PARP6: variants seen among roughly 807,000 people sequenced by gnomAD.
PARP6 encodes poly(ADP-ribose) polymerase family member 6, also known as protein mono-ADP-ribosyltransferase PARP6.
A neutral mutation model predicts 92.0 loss-of-function variants in PARP6; 27 were observed. The observed-to-expected ratio is 0.29, with a 90% confidence interval of 0.22 to 0.40. The LOEUF (loss-of-function observed/expected upper bound fraction) is 0.40. PARP6 is among the 10% of genes least tolerant of loss of function. The pLI, the probability that PARP6 is intolerant of heterozygous loss-of-function variation, is 1.00. For missense variants in PARP6, 501 were observed against 784.5 expected (o/e 0.64, Z 4.32); for synonymous variants, 272 against 281.2 (o/e 0.97, Z 0.33).
At position 72,253,860 on chromosome 15, in the gene PARP6, G is replaced by A. The variant is rs532310661; in HGVS notation, c.1192-356C>T. The stretch of plus-strand genomic sequence containing the variant: ...GGTAAATCTTTAAATAATGCAAAGC[G>A]TCCTCCTGACAAGTAAATCATTCCT... On this transcript the variant is annotated intron_variant, in intron 15 of 23. Coordinates refer to ENST00000569795, the MANE Select transcript of PARP6 (RefSeq NM_001323532.2). The A allele has an allele frequency of 5.0e-5, 23 of 464,330 alleles. 1 individual carries two copies. Among genetic ancestry groups the A allele is most frequent in the Middle Eastern group, 3.2e-4 (1 of 3,082 alleles). 28.8% of individuals were successfully genotyped at this position (464,330 alleles called of 1,614,324 possible). A position where few individuals can be genotyped will look rare whatever the true frequency, so the allele number is the denominator to read the frequency against.
intron 18 of PARP6, 190 bp from the exon 19 acceptor site, chr15:72,250,282 C>CT: frequency 1.8e-6 from 1 of 557,920 alleles, no homozygotes; most frequent in Non-Finnish European, 3.3e-6. Context: ...CTCTACGTCT[C>CT]TATTTCCAGT....
At chr15:72,262,946 G>A (rs904841875) in intron 8 of PARP6, among the ~76,000 whole-genome samples, 2 of 152,126 alleles carry the variant, frequency 1.3e-5, no homozygotes, top group African/African-American at 4.8e-5. Flanking sequence ...TTCACTGACT[G>A]TAACTTCTTC....
Position 72,257,395 on chromosome 15 carries a change from G to A in PARP6, c.952C>T (p.Leu318=), listed in dbSNP as rs1312830227. 1 of 1,614,112 alleles carries A rather than the reference G, an allele frequency of 6.2e-7. No individual in the cohort carries two copies. The highest frequency in any genetic ancestry group is 8.5e-7 in the Non-Finnish European group (1 of 1,180,006). The change falls in exon 13 of 24, where the codon CTG becomes TTG. Residue 318 remains leucine, a synonymous_variant. Transcript: ENST00000569795. The part of the protein sequence containing the change: ...RELCVFSFYT[L]GVMSGAAEEV... ...TCTGCAGCTCCAGACATGACGCCCAGTGTGTAGAAGGAGAAAACGCATAGT... is the reference window on the plus strand; with the variant it reads ...TCTGCAGCTCCAGACATGACGCCCAATGTGTAGAAGGAGAAAACGCATAGT...
intron 16 of PARP6, among the ~76,000 whole-genome samples, chr15:72,252,547 G>A (rs1409668179): frequency 6.6e-6 from 1 of 151,856 alleles, no homozygotes; most frequent in Non-Finnish European, 1.5e-5. Flanking sequence ...GTGTAATGGA[G>A]CAATCTCAGC....
At chr15:72,247,321 C>T (rs866179575) in intron 20 of PARP6, among the ~76,000 whole-genome samples, 2 of 152,006 alleles carry the variant, frequency 1.3e-5, no homozygotes, top group Admixed American at 6.5e-5. Context: ...CTTACAGGCA[C>T]GCACTGCCAG....
Position 72,265,847 on chromosome 15 carries a change from C to T in PARP6, c.176+50G>A, listed in dbSNP as rs578232854. 12 of 1,246,268 alleles carry T rather than the reference C, an allele frequency of 9.6e-6. No individual in the cohort carries two copies. In the East Asian group the frequency reaches 2.3e-4, roughly 24 times the overall value. The allele number at this position is 1,246,268 out of a possible 1,614,324, so 77.2% of individuals were successfully genotyped here. ...AGAAAAACCTCTAGCCTTTTAACAA[C>T]TCAGAAAGAAGTGACTTGCTCCCCT... is the stretch of plus-strand genomic sequence containing the variant. On this transcript the variant is annotated intron_variant, in intron 5 of 23. Transcript: ENST00000569795.
At chr15:72,249,464 G>A in intron 19 of PARP6, 150 bp from the exon 20 acceptor site, 1 of 519,720 alleles carries the variant, frequency 1.9e-6, no homozygotes. Context: ...AAGCCAACTG[G>A]CTGAAAAGTG....
Position 72,253,522 on chromosome 15 carries a change from T to C in PARP6, c.1192-18A>G. On this transcript the variant is annotated intron_variant, in intron 15 of 23. Transcript: ENST00000569795. ...TATGAGCCCTGTAAGACAATGGCCA[T>C]AACGTTATCTCCTTGGAGAGGTGGG... The C allele has an allele frequency of 6.2e-7, 1 of 1,605,384 alleles. No individual in the cohort carries two copies. The highest frequency in any genetic ancestry group is 1.7e-5 in the Admixed American group (1 of 59,962).
In PARP6 at chr15:72,267,629, G is replaced by C; in HGVS notation, c.-152C>G. On this transcript the variant is annotated 5_prime_UTR_variant, in exon 3 of 24. Coordinates refer to ENST00000569795, the MANE Select transcript of PARP6 (RefSeq NM_001323532.2). Reference sequence around the variant, plus strand: ...GTCAGGGACAACTGGTGATCTGTTGGGGATGGCAGGCTCTGCTGTTGCGGT... The same window carrying C: ...GTCAGGGACAACTGGTGATCTGTTGCGGATGGCAGGCTCTGCTGTTGCGGT... 1 of 758,154 alleles carries C rather than the reference G, an allele frequency of 1.3e-6. No homozygotes were observed. Among genetic ancestry groups the C allele is most frequent in the East Asian group, 2.6e-5 (1 of 39,142 alleles). 47.0% of individuals were successfully genotyped at this position (758,154 alleles called of 1,614,324 possible).
intron 3 of PARP6, 162 bp from the exon 4 acceptor site, chr15:72,266,984 G>C (rs2086687482): frequency 3.2e-6 from 2 of 620,452 alleles, no homozygotes; most frequent in Non-Finnish European, 5.8e-6. Context: ...CTTTGTGAGA[G>C]TCTCAGTCTC....
chr15:72,269,851 A>G (rs1303797223), intron 2 of PARP6, among the ~76,000 whole-genome samples: 1 of 151,178 alleles, frequency 6.6e-6, no homozygotes, highest in Non-Finnish European at 1.5e-5. Flanking sequence ...GTGAGCCAAG[A>G]CTGCGCCATT....
At chr15:72,269,571 A>C (rs548135653) in intron 2 of PARP6, among the ~76,000 whole-genome samples, 3 of 152,192 alleles carry the variant, frequency 2.0e-5, no homozygotes, top group Admixed American at 2.0e-4. Flanking sequence ...AGAAATGCAA[A>C]TTCTCAGACT....
chr15:72,255,958 G>A (rs7164000), intron 14 of PARP6, among the ~76,000 whole-genome samples: 349 of 150,908 alleles, frequency 2.3e-3, no homozygotes, highest in African/African-American at 8.0e-3. Flanking sequence ...CACCACACCT[G>A]GCTAATTTTT....
At chr15:72,243,562 A>G (rs1219624837) in intron 20 of PARP6, 3 of 152,180 alleles carry the variant, frequency 2.0e-5, no homozygotes, top group Admixed American at 6.5e-5. Flanking sequence ...TAAATCCATA[A>G]ACTCTCTACC....
rs778401797 is a variant in PARP6, at chr15:72,259,710, G to C, written c.757-49C>G. The stretch of plus-strand genomic sequence containing the variant: ...CCCGTGAACCTCCTATGAAGCTGGG[G>C]CCTAGACAGACCTGACTCTTGCCTA... On this transcript the variant is annotated intron_variant, in intron 10 of 23. Coordinates refer to ENST00000569795, the MANE Select transcript of PARP6 (RefSeq NM_001323532.2). The C allele has an allele frequency of 1.2e-5, 18 of 1,540,860 alleles. No individual in the cohort carries two copies. The African/African-American group carries it at 2.3e-4, about 20-fold the overall frequency.
In PARP6 at chr15:72,241,994, A is replaced by G. The variant is rs755596368; in HGVS notation, c.1706-9T>C. 7 of 1,603,780 alleles carry G rather than the reference A, an allele frequency of 4.4e-6. No homozygotes were observed. The highest frequency in any genetic ancestry group is 4.3e-6 in the Non-Finnish European group (5 of 1,170,566). On this transcript the variant is annotated splice_polypyrimidine_tract_variant and intron_variant, in intron 22 of 23. Transcript: ENST00000569795. This position sits in a 1 kb window ranked among gnomAD's most constrained non-coding sequence, Gnocchi z 4.1. ...GTCCTTAGATGTAATCACTGGGAGA[A>G]AGAGGGCCAGAAATCATAGATACAA...
rs1011351492 is a variant in PARP6 at position 72,242,718 on chromosome 15, C to G, written c.1562-19G>C. 2 of 1,555,954 alleles carry G rather than the reference C, an allele frequency of 1.3e-6. No individual in the cohort carries two copies. The highest frequency in any genetic ancestry group is 1.8e-5 in the Admixed American group (1 of 54,794). ...CCCATTCCTGTCACAGAACAATACACCCACTTCATTTATCAAAAATTTACG... is the reference window on the plus strand; with the variant it reads ...CCCATTCCTGTCACAGAACAATACAGCCACTTCATTTATCAAAAATTTACG... On this transcript the variant is annotated intron_variant, in intron 20 of 23. Transcript: ENST00000569795. This position sits in a 1 kb window ranked among gnomAD's most constrained non-coding sequence, Gnocchi z 4.3.
chr15:72,242,833 T>C lies in PARP6; in HGVS notation c.1562-134A>G, dbSNP rs992274309. 4 of 631,876 alleles carry C rather than the reference T, an allele frequency of 6.3e-6. No individual in the cohort carries two copies. The highest frequency in any genetic ancestry group is 6.0e-5 in the Admixed American group (2 of 33,338). The allele number at this position is 631,876 out of a possible 1,614,324, so 39.1% of individuals were successfully genotyped here. A position where few individuals can be genotyped will look rare whatever the true frequency, so the allele number is the denominator to read the frequency against. ...GAAGATTATTTTCCCCCACAGAATT[T>C]AGTCTGCTGGAAATTACAAGCAAGA... On this transcript the variant is annotated intron_variant, in intron 20 of 23. Coordinates refer to ENST00000569795, the MANE Select transcript of PARP6 (RefSeq NM_001323532.2). This position sits in a 1 kb window ranked among gnomAD's most constrained non-coding sequence, Gnocchi z 4.3.
At position 72,265,074 on chromosome 15, in the gene PARP6, C is replaced by T. The variant is rs777284423; in HGVS notation, c.328+7G>A. On this transcript the variant is annotated splice_region_variant and intron_variant, in intron 7 of 23. Coordinates refer to ENST00000569795, the MANE Select transcript of PARP6 (RefSeq NM_001323532.2). ...ACCACCCACTTGCCCAAAGTCACTGCCTTTACCTGGTCCATCTAGGTACTG... is the reference window on the plus strand; with the variant it reads ...ACCACCCACTTGCCCAAAGTCACTGTCTTTACCTGGTCCATCTAGGTACTG... The T allele has an allele frequency of 2.5e-6, 4 of 1,602,528 alleles. No individual in the cohort carries two copies. The Admixed American group carries it at 6.7e-5, about 27-fold the overall frequency.
Sources: allele counts gnomAD v4.1 joint callset (sites outside exome capture counted in the v4.1 genomes callset), GRCh38; gene constraint gnomAD v4.1.1; non-coding constraint Gnocchi (gnomAD v3.1); transcripts MANE v1.5; gene names NCBI Gene and HGNC (gene_info 2026-07-23, HGNC 2026-07-21).